Variants in DUS3L observed in about 807,000 individuals in gnomAD.
DUS3L encodes tRNA-dihydrouridine(47) synthase [NAD(P)(+)]-like.
A neutral mutation model predicts 74.6 loss-of-function variants in DUS3L; 62 were observed. That is an observed-to-expected ratio of 0.83 (90% confidence interval 0.68 to 1.03). The LOEUF (loss-of-function observed/expected upper bound fraction) is 1.03, where lower values mean the gene tolerates loss of function less well. Ranked by LOEUF, DUS3L falls within the 50% of genes least tolerant of loss-of-function variation. DUS3L has a pLI of 0.00. For synonymous variants in DUS3L, 433 were observed against 395.7 expected (o/e 1.09, Z -1.12); for missense variants, 884 against 924.4 (o/e 0.96, Z 0.57).
rs1286345283 is a variant in DUS3L at position 5,789,637 on chromosome 19, T to C, written c.470A>G (p.Asp157Gly). Reference sequence around the variant, plus strand: ...GAAGAGCACGCAGCGGGGGCCCAGGTCGGCCGGCTTGGTCTCCAGGTAGCG... The same window carrying C: ...GAAGAGCACGCAGCGGGGGCCCAGGCCGGCCGGCTTGGTCTCCAGGTAGCG... ...VGRYLETKPA[D>G]LGPRCVLFET... The change falls in exon 3 of 13, where the codon GAC becomes GGC. Residue 157 changes from aspartate to glycine, a missense_variant. Asp to Gly is a moderately conservative substitution (Grantham distance 94, BLOSUM62 -1). Transcript: ENST00000309061. 3.7e-6 allele frequency: 6 copies of C among 1,605,650 alleles called. No individual in the cohort carries two copies. Among genetic ancestry groups the C allele is most frequent in the Non-Finnish European group, 5.1e-6 (6 of 1,177,380 alleles).
chr19:5,788,334 C>CA, intron 4 of DUS3L, 23 bp downstream of exon 4: 1 of 1,613,672 alleles, frequency 6.2e-7, no homozygotes, highest in Non-Finnish European at 8.5e-7. Flanking sequence ...GCCACCCGAC[C>CA]AGCCACCTGA....
At chr19:5,788,237 C>A in intron 4 of DUS3L, 61 bp from the exon 5 acceptor site, 3 of 1,585,398 alleles carry the variant, frequency 1.9e-6, no homozygotes, top group Non-Finnish European at 2.6e-6. Flanking sequence ...ACACACACAG[C>A]AGAACCCTGA....
Position 5,786,670 on chromosome 19 carries a change from A to G in DUS3L, c.1486+79T>C, listed in dbSNP as rs2144728853. ...ATCAGGGTGGTACGAGGGGGTCCCA[A>G]GTGGGAAGGCGAACAGCCCAGAGGT... On this transcript the variant is annotated intron_variant, in intron 9 of 12. Coordinates refer to ENST00000309061, the MANE Select transcript of DUS3L (RefSeq NM_020175.3). The G allele has an allele frequency of 1.9e-6, 3 of 1,575,842 alleles. 1 individual carries two copies. In the South Asian group the frequency reaches 3.5e-5, roughly 18 times the overall value.
chr19:5,787,202 ATGGTGGGAGG>A (rs2056855081), intron 7 of DUS3L, 31 bp from the exon 8 acceptor site: 5 of 759,750 alleles, frequency 6.6e-6, no homozygotes, highest in African/African-American at 5.4e-5. Context: ...GTGGTGGGAG[ATGGTGGGAGG>A]TGGTGGGAGA....
chr19:5,785,442 G>T lies in DUS3L; in HGVS notation c.1821C>A (p.Gly607=). 1 of 1,590,956 alleles carries T rather than the reference G, an allele frequency of 6.3e-7. No individual in the cohort carries two copies. Residue 607 remains glycine, a synonymous_variant, in exon 12 of 13, where the codon GGC becomes GGA. Coordinates refer to ENST00000309061, the MANE Select transcript of DUS3L (RefSeq NM_020175.3). The part of the protein sequence containing the change: ...RINERPPYYL[G]RDYLETLMAS... The stretch of plus-strand genomic sequence containing the variant: ...CCATCAGCGTCTCCAGGTAGTCGCG[G>T]CCCAGGTAGTAGGGCGGCCGCTCGT...
At chr19:5,787,405 AC>A (rs1261922869) in intron 6 of DUS3L, 44 bp from the exon 7 acceptor site, 1 of 1,599,544 alleles carries the variant, frequency 6.3e-7, no homozygotes, top group African/African-American at 1.3e-5. Context: ...ACGTGGGCTG[AC>A]CCAAGACCCC....
At position 5,789,598 on chromosome 19, in the gene DUS3L, C is replaced by A. The variant is rs185026554; in HGVS notation, c.509G>T (p.Arg170Leu). ...PRCVLFETFG[R>L]CPYGVTCRFA... ...GCGGCAGGTCACGCCGTAGGGGCAC[C>A]GGCCGAAGGTCTCGAAGAGCACGCA... Residue 170 changes from arginine to leucine, a missense_variant, in exon 3 of 13, where the codon CGG becomes CTG. Physicochemically the swap from Arg to Leu is moderately radical, Grantham distance 102. Transcript: ENST00000309061. The A allele has an allele frequency of 6.2e-4, 978 of 1,587,868 alleles. 11 individuals are homozygous for A. The Admixed American group carries it at 0.017, about 27-fold the overall frequency.
rs750276856 is a variant in DUS3L, at chr19:5,785,455, G to A, written c.1808C>T (p.Pro603Leu). ...RLPQRINERPPYYLGRDYLET... is the reference protein window; with the variant it reads ...RLPQRINERPLYYLGRDYLET... ...CAGGTAGTCGCGGCCCAGGTAGTAG[G>A]GCGGCCGCTCGTTGATCCTCTGTGG... The change falls in exon 12 of 13, where the codon CCC (proline) becomes CTC (leucine). Residue 603 changes from proline (P) to leucine (L), a missense_variant. Coordinates refer to ENST00000309061, the MANE Select transcript of DUS3L (RefSeq NM_020175.3). 4 of 1,587,382 alleles carry A rather than the reference G, an allele frequency of 2.5e-6. No individual in the cohort carries two copies. Among genetic ancestry groups the A allele is most frequent in the Admixed American group, 1.8e-5 (1 of 56,788 alleles).
At chr19:5,790,443 C>G (rs567050743) in intron 1 of DUS3L, 108 bp from the exon 2 acceptor site, 2 of 1,386,092 alleles carry the variant, frequency 1.4e-6, no homozygotes, top group African/African-American at 2.9e-5. Flanking sequence ...TGATGGGGAG[C>G]TCACTACTTA....
chr19:5,785,946 A>AG (rs1234202148), intron 10 of DUS3L, 155 bp from the exon 11 acceptor site: 2 of 788,336 alleles, frequency 2.5e-6, no homozygotes, highest in Non-Finnish European at 3.8e-6. Context: ...TTCAAAGCAC[A>AG]GGACTTTCTT....
chr19:5,788,897 G>A (rs1302708123), intron 3 of DUS3L, among the ~76,000 whole-genome samples: 1 of 152,114 alleles, frequency 6.6e-6, no homozygotes, highest in Non-Finnish European at 1.5e-5. Flanking sequence ...AGTAGAGATA[G>A]GGTTTCACCA....
intron 1 of DUS3L, 72 bp from the exon 2 acceptor site, chr19:5,790,407 A>C: frequency 6.4e-7 from 1 of 1,571,814 alleles, no homozygotes; most frequent in Non-Finnish European, 8.7e-7. Context: ...GGCTAGAAAC[A>C]CTTGCACGTC....
intron 3 of DUS3L, among the ~76,000 whole-genome samples, chr19:5,788,910 A>T (rs1047434268): frequency 4.6e-5 from 7 of 151,992 alleles, no homozygotes; most frequent in African/African-American, 1.7e-4. Context: ...TTTCACCATG[A>T]TGGCTAGGCT....
Position 5,789,496 on chromosome 19 carries a change from G to A in DUS3L, c.611C>T (p.Pro204Leu), listed in dbSNP as rs780533959. 1.1e-5 allele frequency: 17 copies of A among 1,604,710 alleles called. No homozygotes were observed. Among genetic ancestry groups the A allele is most frequent in the African/African-American group, 2.7e-5 (2 of 74,904 alleles). Residue 204 changes from proline to leucine, a missense_variant, in exon 3 of 13, where the codon CCG (proline) becomes CTG (leucine). Coordinates refer to ENST00000309061, the MANE Select transcript of DUS3L (RefSeq NM_020175.3). Reference sequence around the variant, plus strand: ...TTTGTCCAGGCCGTTGCGGATGGACGGGGGCTGGGTCCCGCGGGCCGCCAA... The same window carrying A: ...TTTGTCCAGGCCGTTGCGGATGGACAGGGGCTGGGTCCCGCGGGCCGCCAA... ...EELAARGTQPPSIRNGLDKAL... is the reference protein window; with the variant it reads ...EELAARGTQPLSIRNGLDKAL...
At chr19:5,789,947 G>C (rs114441730) in intron 2 of DUS3L, 100 bp downstream of exon 2, 1 of 1,499,086 alleles carries the variant, frequency 6.7e-7, no homozygotes, top group South Asian at 1.2e-5. Context: ...CTCACTGCTC[G>C]TTGCTGAAGG....
In DUS3L at chr19:5,785,214, C is replaced by CG. The variant is rs1192019255; in HGVS notation, c.1941dup (p.Ala648ArgfsTer?). 3.7e-6 allele frequency: 6 copies of CG among 1,607,956 alleles called. No individual in the cohort carries two copies. Among genetic ancestry groups the CG allele is most frequent in the Non-Finnish European group, 4.2e-6 (5 of 1,177,978 alleles). On this transcript the variant is annotated frameshift_variant, in exon 13 of 13. Transcript: ENST00000309061. LOFTEE classifies it high-confidence loss of function. ...GGGAAAGCCTGAGGCTACTTGTACGCGTTGGCCTTGTGCTTCGGCAAGAAG... is the reference window on the plus strand; with the variant it reads ...GGGAAAGCCTGAGGCTACTTGTACGCGGTTGGCCTTGTGCTTCGGCAAGAAG...
intron 5 of DUS3L, 35 bp downstream of exon 5, chr19:5,787,987 GCC>G (rs1568387071): frequency 8.7e-6 from 14 of 1,606,562 alleles, no homozygotes; most frequent in Middle Eastern, 1.7e-4. Context: ...ACGGCCGAGG[GCC>G]CCTCCACTCT....
At chr19:5,787,532 G>A in intron 6 of DUS3L, 57 bp downstream of exon 6, 1 of 1,580,898 alleles carries the variant, frequency 6.3e-7, no homozygotes. Flanking sequence ...ATCGCCGGCT[G>A]GGTCAGTGCC....
Position 5,785,396 on chromosome 19 carries a change from A to G in DUS3L, c.1867T>C (p.Trp623Arg). 1.9e-6 allele frequency: 3 copies of G among 1,597,178 alleles called. No individual in the cohort carries two copies. The highest frequency in any genetic ancestry group is 1.7e-4 in the Middle Eastern group (1 of 5,968). ...TLMASQKAAD[W>R]IRISEMLLGP... ...CCACCCAGGCACCTGATGCGGATCC[A>G]GTCGGCTGCCTTCTGGCTGGCCATC... The change falls in exon 12 of 13, where the codon TGG becomes CGG. Residue 623 changes from tryptophan (W) to arginine (R), a missense_variant. Trp to Arg is a moderately radical substitution (Grantham distance 101, BLOSUM62 -3). Transcript: ENST00000309061.
Sources: gnomAD v4.1 joint callset for allele counts (sites outside exome capture counted in the v4.1 genomes callset) on GRCh38, gnomAD v4.1.1 for gene constraint, MANE v1.5 for transcripts, NCBI Gene and HGNC (gene_info 2026-07-23, HGNC 2026-07-21) for gene names.